SUGCT: variants seen among roughly 807,000 people sequenced by gnomAD.
SUGCT encodes succinyl-CoA:glutarate CoA-transferase.
SUGCT carries 41 observed loss-of-function variants against 55.0 expected under a neutral mutation model. The observed-to-expected ratio is 0.74, with a 90% CI of 0.58 to 0.97. SUGCT has a LOEUF of 0.97. Among genes scored for constraint, SUGCT ranks in the 50% least tolerant of loss-of-function variants. The pLI, the probability that SUGCT is intolerant of heterozygous loss-of-function variation, is 0.00. For missense variants in SUGCT, 568 were observed against 547.8 expected, an observed-to-expected ratio of 1.04 and a Z score of -0.37; for synonymous variants, 187 against 200.4, an observed-to-expected ratio of 0.93 and a Z score of 0.56.
chr7:40,556,104 A>C (rs549051423), intron 12 of SUGCT, among the ~76,000 whole-genome samples: 1 of 152,070 alleles, frequency 6.6e-6, no homozygotes, highest in African/African-American at 2.4e-5. Context: ...GATGCAATAC[A>C]TATTGTTTGC....
intron 3 of SUGCT, among the ~76,000 whole-genome samples, chr7:40,183,150 G>C (rs1785312838): frequency 1.3e-5 from 2 of 152,172 alleles, no homozygotes; most frequent in South Asian, 4.1e-4. Flanking sequence ...GCAGACACCT[G>C]TGGTTCCAGC....
At chr7:41,029,929 C>G in the SUGCT span, among the ~76,000 whole-genome samples, 3 of 152,160 alleles carry the variant, frequency 2.0e-5, no homozygotes, top group African/African-American at 7.2e-5. Context: ...CTCGCCTCCC[C>G]AACTCCTGCA....
intron 12 of SUGCT, among the ~76,000 whole-genome samples, chr7:40,652,928 T>A (rs1010902141): frequency 2.6e-5 from 4 of 152,208 alleles, no homozygotes; most frequent in African/African-American, 9.6e-5. Flanking sequence ...GAGATCTGCC[T>A]CTTTCCTCAC....
At chr7:40,481,743 A>G (rs1791058891) in intron 11 of SUGCT, among the ~76,000 whole-genome samples, 1 of 152,158 alleles carries the variant, frequency 6.6e-6, no homozygotes, top group Non-Finnish European at 1.5e-5. Flanking sequence ...AATCAAATCA[A>G]TGATAAAAAT....
At chr7:40,580,602 A>G (rs1364199301) in intron 12 of SUGCT, among the ~76,000 whole-genome samples, 1 of 152,242 alleles carries the variant, frequency 6.6e-6, no homozygotes, top group Non-Finnish European at 1.5e-5. Flanking sequence ...TCAGTAAGAA[A>G]TTAGACCATC....
At chr7:40,327,511 G>A (rs889418115) in intron 9 of SUGCT, among the ~76,000 whole-genome samples, 1 of 152,178 alleles carries the variant, frequency 6.6e-6, no homozygotes, top group Non-Finnish European at 1.5e-5. Flanking sequence ...AAGAATAAAT[G>A]CACTTACAAC....
the SUGCT span, among the ~76,000 whole-genome samples, chr7:41,030,135 C>A: frequency 6.6e-6 from 1 of 152,176 alleles, no homozygotes; most frequent in Non-Finnish European, 1.5e-5. Context: ...ATACACGTGC[C>A]ACAGTTTTGC....
At chr7:40,772,644 T>C (rs1468888136) in intron 13 of SUGCT, among the ~76,000 whole-genome samples, 3 of 143,290 alleles carry the variant, frequency 2.1e-5, no homozygotes, top group Non-Finnish European at 4.7e-5. Flanking sequence ...TATCATTTAC[T>C]TTTGAGACAG....
rs548399906 is a variant in SUGCT at position 40,405,378 on chromosome 7, T to G, written c.817-43909T>G. On this transcript the variant is annotated intron_variant, in intron 9 of 13. Transcript: ENST00000335693. ...ATGGGGATAATGTCTTTTCTTTTTC[T>G]TTTTCTTTACCGCTAAGATAATGTT... Among the ~76,000 whole-genome samples the G allele has an allele frequency of 8.5e-5, 13 of 152,348 alleles. No homozygotes were observed. The South Asian group carries it at 2.7e-3, about 32-fold the overall frequency.
At chr7:40,776,865 C>T (rs1789479396) in intron 13 of SUGCT, among the ~76,000 whole-genome samples, 1 of 152,152 alleles carries the variant, frequency 6.6e-6, no homozygotes, top group Admixed American at 6.5e-5. Context: ...TGGGACAGGG[C>T]CCTACCAGTC....
chr7:40,682,130 G>A (rs1584265747), intron 12 of SUGCT, among the ~76,000 whole-genome samples: 1 of 152,282 alleles, frequency 6.6e-6, no homozygotes, highest in East Asian at 1.9e-4. Context: ...CCTTGAAGGA[G>A]CTCAGGATTT....
At chr7:40,143,908 A>G (rs899212118) in intron 1 of SUGCT, among the ~76,000 whole-genome samples, 5 of 152,218 alleles carry the variant, frequency 3.3e-5, no homozygotes, top group Non-Finnish European at 5.9e-5. Context: ...GGTTCGAGAT[A>G]ATAACCTGTA....
At chr7:40,449,221 G>T (rs977459433) in intron 9 of SUGCT, 66 bp from the exon 10 acceptor site, 1 of 1,053,022 alleles carries the variant, frequency 9.5e-7, no homozygotes, top group South Asian at 1.5e-5. Flanking sequence ...AGATATTTTA[G>T]AAATTAAACT....
chr7:40,225,018 C>T (rs1237289234), intron 6 of SUGCT, among the ~76,000 whole-genome samples: 1 of 152,214 alleles, frequency 6.6e-6, no homozygotes, highest in African/African-American at 2.4e-5. Context: ...TTCGGTATCA[C>T]AGAGGCTGCC....
At chr7:40,229,376 G>A (rs1048534029) in intron 6 of SUGCT, among the ~76,000 whole-genome samples, 5 of 151,642 alleles carry the variant, frequency 3.3e-5, no homozygotes, top group East Asian at 1.9e-4. Context: ...AACATTAACC[G>A]GGCATGGTGG....
chr7:40,491,175 G>A (rs939773261), intron 11 of SUGCT, among the ~76,000 whole-genome samples: 18 of 152,282 alleles, frequency 1.2e-4, no homozygotes, highest in African/African-American at 3.6e-4. Context: ...AGAAGATAGT[G>A]GTACTGGGGA....
At chr7:40,994,283 G>A in the SUGCT span, among the ~76,000 whole-genome samples, 1 of 152,148 alleles carries the variant, frequency 6.6e-6, no homozygotes. Flanking sequence ...CCGAGCAAAA[G>A]GATGGAGTTC....
chr7:40,476,294 A>G (rs191059818), intron 11 of SUGCT, among the ~76,000 whole-genome samples: 12 of 152,294 alleles, frequency 7.9e-5, no homozygotes, highest in African/African-American at 2.6e-4. Flanking sequence ...GGAACAGGGA[A>G]CAAGTGAGGC....
chr7:40,316,872 C>T lies in SUGCT; in HGVS notation c.816+17C>T, dbSNP rs1366964182. 1.4e-6 allele frequency: 2 copies of T among 1,396,598 alleles called. No homozygotes were observed. Among genetic ancestry groups the T allele is most frequent in the Admixed American group, 2.1e-5 (1 of 47,668 alleles). 86.5% of individuals were successfully genotyped at this position (1,396,598 alleles called of 1,614,324 possible). On this transcript the variant is annotated intron_variant, in intron 9 of 13. Transcript: ENST00000335693. ...CCTTACCAGGTAAGACTACAGCAGT[C>T]TAGGGTTGGGCTGTTGTAATTTGCA...
Sources: gnomAD v4.1 joint callset for allele counts (sites outside exome capture counted in the v4.1 genomes callset) on GRCh38, gnomAD v4.1.1 for gene constraint, MANE v1.5 for transcripts, NCBI Gene and HGNC (gene_info 2026-07-23, HGNC 2026-07-21) for gene names.